Variants in MICU1 observed in about 807,000 individuals in gnomAD.
The protein encoded by MICU1 is calcium uptake protein 1, mitochondrial.
MICU1 carries 45 observed loss-of-function variants against 56.8 expected under a neutral mutation model. The observed-to-expected ratio is 0.79, with a 90% confidence interval of 0.62 to 1.02. The LOEUF (loss-of-function observed/expected upper bound fraction) is 1.02, where lower values mean the gene tolerates loss of function less well. Among genes scored for constraint, MICU1 ranks in the 50% least tolerant of loss-of-function variants. The pLI is 0.00. For synonymous variants in MICU1, 186 were observed against 195.1 expected, an observed-to-expected ratio of 0.95 and a Z score of 0.39; for missense variants, 504 against 587.1, an observed-to-expected ratio of 0.86 and a Z score of 1.46.
intron 1 of MICU1, among the ~76,000 whole-genome samples, chr10:72,585,994 A>ATTTTTTCTTTTT (rs1206044452): frequency 1.0e-5 from 1 of 100,206 alleles, no homozygotes; most frequent in African/African-American, 3.7e-5. Context: ...TATTGTTTTT[A>ATTTTTTCTTTTT]TTTTTTCTTT....
intron 1 of MICU1, among the ~76,000 whole-genome samples, chr10:72,572,532 A>G (rs1840637085): frequency 6.6e-6 from 1 of 152,142 alleles, no homozygotes; most frequent in Non-Finnish European, 1.5e-5. Context: ...CTAAAAGTAG[A>G]TCAAATGCCC....
At chr10:72,436,277 G>A (rs1864715601) in intron 8 of MICU1, among the ~76,000 whole-genome samples, 2 of 152,206 alleles carry the variant, frequency 1.3e-5, no homozygotes, top group African/African-American at 4.8e-5. Context: ...AACAGGGTCT[G>A]GAGTGGACCT....
chr10:72,511,723 T>C (rs191534487), intron 5 of MICU1, among the ~76,000 whole-genome samples: 120 of 152,336 alleles, frequency 7.9e-4, no homozygotes, highest in African/African-American at 2.7e-3. Flanking sequence ...TCTTCATTTA[T>C]TGAGGAAGTT....
In MICU1 at chr10:72,471,055, C is replaced by T. The variant is rs557355726; in HGVS notation, c.933+4045G>A. ...ACACATGCATGAAACCCCTAATCTGCTTTATAATATTTTCCCTCATGGGCA... is the reference window on the plus strand; with the variant it reads ...ACACATGCATGAAACCCCTAATCTGTTTTATAATATTTTCCCTCATGGGCA... On this transcript the variant is annotated intron_variant, in intron 8 of 11. Coordinates refer to ENST00000361114, the MANE Select transcript of MICU1 (RefSeq NM_001195518.2). 3.3e-5 allele frequency among the ~76,000 whole-genome samples: 5 copies of T among 152,170 alleles called. No homozygotes were observed. In the South Asian group the frequency reaches 1.0e-3, roughly 32 times the overall value.
chr10:72,481,642 C>T (rs951392262), intron 6 of MICU1, among the ~76,000 whole-genome samples: 2 of 152,156 alleles, frequency 1.3e-5, no homozygotes, highest in Non-Finnish European at 2.9e-5. Context: ...GAACTCCTGG[C>T]CTCAAGTGAT....
intron 1 of MICU1, among the ~76,000 whole-genome samples, chr10:72,588,404 C>T (rs1295774133): frequency 6.6e-6 from 1 of 151,410 alleles, no homozygotes; most frequent in Non-Finnish European, 1.5e-5. Flanking sequence ...GGAAAAAAAA[C>T]AACTTACATT....
At chr10:72,529,174 T>A (rs1042737132) in intron 5 of MICU1, among the ~76,000 whole-genome samples, 8 of 152,054 alleles carry the variant, frequency 5.3e-5, no homozygotes, top group Non-Finnish European at 1.2e-4. Flanking sequence ...ATAAAGGAGG[T>A]GGAAATAAAA....
intron 5 of MICU1, among the ~76,000 whole-genome samples, chr10:72,511,514 A>G (rs573287062): frequency 6.6e-6 from 1 of 152,336 alleles, no homozygotes; most frequent in African/African-American, 2.4e-5. Context: ...GAAATGTATA[A>G]ACGCCTATCA....
intron 5 of MICU1, among the ~76,000 whole-genome samples, chr10:72,516,221 C>T (rs551338509): frequency 1.3e-5 from 2 of 152,226 alleles, no homozygotes; most frequent in Admixed American, 6.5e-5. Context: ...TGTTTGTTGG[C>T]CACAGAAATG....
chr10:72,540,978 T>TTAATTAGACAACCTCTAGCC (rs1839759320), intron 4 of MICU1, among the ~76,000 whole-genome samples: 1 of 152,248 alleles, frequency 6.6e-6, no homozygotes, highest in East Asian at 1.9e-4. Flanking sequence ...CTATCCTAGC[T>TTAATTAGACAACCTCTAGCC]TAATTAGACA....
chr10:72,588,229 G>C (rs1841119510), intron 1 of MICU1, among the ~76,000 whole-genome samples: 1 of 151,710 alleles, frequency 6.6e-6, no homozygotes. Flanking sequence ...TGCCATAATT[G>C]AAAGTTTCCT....
At chr10:72,441,679 C>CTA (rs1864939693) in intron 8 of MICU1, among the ~76,000 whole-genome samples, 2 of 129,046 alleles carry the variant, frequency 1.5e-5, no homozygotes, top group Admixed American at 1.8e-4. Flanking sequence ...TGCAGTGGTA[C>CTA]GATCTAGGCT....
intron 1 of MICU1, among the ~76,000 whole-genome samples, chr10:72,573,199 G>A (rs138541604): frequency 5.7e-4 from 86 of 149,610 alleles, no homozygotes; most frequent in African/African-American, 2.0e-3. Context: ...GCCAGCCGCA[G>A]TAGCTCATGC....
At chr10:72,606,662 T>G (rs2132557871) in intron 1 of MICU1, among the ~76,000 whole-genome samples, 1 of 152,148 alleles carries the variant, frequency 6.6e-6, no homozygotes, top group Non-Finnish European at 1.5e-5. Context: ...CTTTGAAACC[T>G]CTGAAGTGAT....
At chr10:72,604,727 T>C (rs7077923) in intron 1 of MICU1, among the ~76,000 whole-genome samples, 6,212 of 152,246 alleles carry the variant, frequency 0.041, 435 homozygotes, top group African/African-American at 0.14. Context: ...ACTGAACATA[T>C]AGGTAAATAT....
chr10:72,481,207 C>T (rs1407101754), intron 6 of MICU1, among the ~76,000 whole-genome samples: 1 of 152,184 alleles, frequency 6.6e-6, no homozygotes, highest in Non-Finnish European at 1.5e-5. Flanking sequence ...CAAAAACAAG[C>T]TTGCTTTAAG....
At chr10:72,488,218 T>G (rs532467982) in intron 6 of MICU1, among the ~76,000 whole-genome samples, 2 of 150,030 alleles carry the variant, frequency 1.3e-5, no homozygotes, top group Admixed American at 6.6e-5. Context: ...AAAAAAAAAT[T>G]AAAAAAAAAT....
At chr10:72,587,893 A>G (rs1213903319) in intron 1 of MICU1, among the ~76,000 whole-genome samples, 1 of 152,216 alleles carries the variant, frequency 6.6e-6, no homozygotes, top group East Asian at 1.9e-4. Flanking sequence ...AACACTTTTA[A>G]ACTGAGGCTT....
At chr10:72,506,173 G>C (rs1325832013) in intron 6 of MICU1, among the ~76,000 whole-genome samples, 2 of 152,164 alleles carry the variant, frequency 1.3e-5, no homozygotes, top group Non-Finnish European at 2.9e-5. Context: ...GAATGGCAGA[G>C]CTACTTGGAG....
Sources: allele counts gnomAD v4.1 joint callset (sites outside exome capture counted in the v4.1 genomes callset), GRCh38; gene constraint gnomAD v4.1.1; transcripts MANE v1.5; gene names NCBI Gene and HGNC (gene_info 2026-07-23, HGNC 2026-07-21).